CDK19: variants seen among roughly 807,000 people sequenced by gnomAD.
CDK19 encodes the protein cyclin-dependent kinase 19.
CDK19 carries 20 observed loss-of-function variants against 68.3 expected under a neutral mutation model. The ratio of observed to expected loss-of-function variants is 0.29; its 90% CI spans 0.21 to 0.43. The LOEUF (loss-of-function observed/expected upper bound fraction) is 0.43. CDK19 is among the 20% of genes least tolerant of loss of function. The pLI is 1.00. For synonymous variants in CDK19, 221 were observed against 222.8 expected, an observed-to-expected ratio of 0.99 and a Z score of 0.07; for missense variants, 339 against 623.5, an observed-to-expected ratio of 0.54 and a Z score of 4.86.
At chr6:110,625,196 T>C (rs541588151) in intron 8 of CDK19, among the ~76,000 whole-genome samples, 1 of 152,298 alleles carries the variant, frequency 6.6e-6, no homozygotes, top group South Asian at 2.1e-4. Flanking sequence ...GCATTAGAAA[T>C]GAAGGTTCTC....
intron 2 of CDK19, among the ~76,000 whole-genome samples, chr6:110,729,074 T>C (rs1344382791): frequency 6.6e-6 from 1 of 152,200 alleles, no homozygotes; most frequent in African/African-American, 2.4e-5. Context: ...CCAGGCACTA[T>C]GTTAAGTGCT....
chr6:110,761,826 G>A (rs1779252573), intron 1 of CDK19, among the ~76,000 whole-genome samples: 1 of 152,120 alleles, frequency 6.6e-6, no homozygotes, highest in Non-Finnish European at 1.5e-5. Flanking sequence ...CCTCCTACAA[G>A]CCTCTGTAAC....
At chr6:110,624,552 C>A (rs1338149964) in intron 8 of CDK19, among the ~76,000 whole-genome samples, 1 of 151,994 alleles carries the variant, frequency 6.6e-6, no homozygotes, top group African/African-American at 2.4e-5. Flanking sequence ...TGGTGTTTTG[C>A]GTGTGTGTGG....
rs1387264694 is a variant in CDK19 at position 110,649,789 on chromosome 6, A to G, written c.457-11083T>C. Among the ~76,000 whole-genome samples, 3 of 152,212 alleles carry G rather than the reference A, an allele frequency of 2.0e-5. No homozygotes were observed. In the East Asian group the frequency reaches 5.8e-4, roughly 29 times the overall value. On this transcript the variant is annotated intron_variant, in intron 4 of 12. Coordinates refer to ENST00000368911, the MANE Select transcript of CDK19 (RefSeq NM_015076.5). ...GAGGGAAATATAAATTAAGATCACA[A>G]TAACATACCATTTTATACCTACTAG...
chr6:110,731,387 T>C (rs1168909458), intron 2 of CDK19, among the ~76,000 whole-genome samples: 1 of 152,042 alleles, frequency 6.6e-6, no homozygotes, highest in Non-Finnish European at 1.5e-5. Context: ...GGCAAATCCA[T>C]AGAGGCAGAA....
At chr6:110,620,075 T>G (rs182970214) in intron 12 of CDK19, among the ~76,000 whole-genome samples, 6 of 152,238 alleles carry the variant, frequency 3.9e-5, no homozygotes, top group African/African-American at 1.2e-4. Context: ...TAGATCAAAC[T>G]GAAGCCTAAA....
intron 1 of CDK19, among the ~76,000 whole-genome samples, chr6:110,769,746 A>T (rs185304056): frequency 2.6e-4 from 40 of 152,226 alleles, no homozygotes; most frequent in Admixed American, 7.2e-4. Flanking sequence ...TTCTCATAGA[A>T]ACTGAGTTGG....
chr6:110,647,460 G>A (rs989667695), intron 4 of CDK19, among the ~76,000 whole-genome samples: 1 of 152,116 alleles, frequency 6.6e-6, no homozygotes, highest in African/African-American at 2.4e-5. Flanking sequence ...TGGGACGACT[G>A]GAGCAAGAAG....
At chr6:110,812,087 G>C (rs944681293) in intron 1 of CDK19, among the ~76,000 whole-genome samples, 1 of 151,488 alleles carries the variant, frequency 6.6e-6, no homozygotes, top group Non-Finnish European at 1.5e-5. Context: ...TGGGTCAAAA[G>C]CCTCTCTTCC....
chr6:110,623,578 G>C (rs1778849468), intron 8 of CDK19: 1 of 241,810 alleles, frequency 4.1e-6, no homozygotes, highest in African/African-American at 2.3e-5. Flanking sequence ...AATCCCTTTG[G>C]AAAACAGTTA....
intron 1 of CDK19, among the ~76,000 whole-genome samples, chr6:110,754,726 C>T (rs192760188): frequency 2.6e-5 from 4 of 152,224 alleles, no homozygotes; most frequent in African/African-American, 9.6e-5. Context: ...GTGATGCACC[C>T]GCCTTGGCTT....
chr6:110,711,742 T>C (rs1004926677), intron 2 of CDK19, among the ~76,000 whole-genome samples: 1 of 152,108 alleles, frequency 6.6e-6, no homozygotes, highest in Non-Finnish European at 1.5e-5. Flanking sequence ...CCAAGGCGGG[T>C]GGATCACCTG....
chr6:110,792,023 TG>T (rs1016044384), intron 1 of CDK19, among the ~76,000 whole-genome samples: 5 of 151,176 alleles, frequency 3.3e-5, no homozygotes, highest in Non-Finnish European at 5.9e-5. Flanking sequence ...CAGGCTGGAG[TG>T]CAGTGGCATG....
chr6:110,621,182 C>T lies in CDK19; in HGVS notation c.1299G>A (p.Gln433=), dbSNP rs1778688943. The change falls in exon 12 of 13, where the codon CAG becomes CAA. Residue 433 remains glutamine, a synonymous_variant. Transcript: ENST00000368911. The surrounding 1 kb of genome is among the most constrained non-coding windows in gnomAD (Gnocchi z 5.4). ...LQHSQDSSLN[Q]VPPNKKPRLG... is the part of the protein sequence containing the mutation. ...GCCGTGGCTTCTTGTTTGGAGGCAC[C>T]TGGTTCAGGCTGGAGTCCTGGCTGT... The T allele has an allele frequency of 6.2e-7, 1 of 1,614,108 alleles. No homozygotes were observed. The highest frequency in any genetic ancestry group is 8.5e-7 in the Non-Finnish European group (1 of 1,180,030).
rs779750762 is a variant in CDK19 at position 110,713,066 on chromosome 6, G to A, written c.204+33060C>T. Among the ~76,000 whole-genome samples, 39 of 151,888 alleles carry A rather than the reference G, an allele frequency of 2.6e-4. 1 individual carries two copies. The highest frequency in any genetic ancestry group is 1.9e-3 in the South Asian group (9 of 4,808). On this transcript the variant is annotated intron_variant, in intron 2 of 12. Transcript: ENST00000368911. The stretch of plus-strand genomic sequence containing the variant: ...ACAAAAATTAGCTGGGCGTGGTGGC[G>A]CGCGCCTGTAATCCCAGCTACTTAG...
intron 1 of CDK19, among the ~76,000 whole-genome samples, chr6:110,776,711 T>C (rs970542542): frequency 6.6e-6 from 1 of 152,202 alleles, no homozygotes; most frequent in Non-Finnish European, 1.5e-5. Context: ...GCTTGTGACA[T>C]TCTAAGTTAA....
chr6:110,775,586 GAAAACATTCATGTA>G (rs1240258769), intron 1 of CDK19, among the ~76,000 whole-genome samples: 4 of 152,106 alleles, frequency 2.6e-5, no homozygotes, highest in Non-Finnish European at 5.9e-5. Context: ...AGGCTTTTCA[GAAAACATTCATGTA>G]AAAAATTAAG....
chr6:110,801,272 C>A (rs978089627), intron 1 of CDK19, among the ~76,000 whole-genome samples: 9 of 152,004 alleles, frequency 5.9e-5, no homozygotes, highest in African/African-American at 2.2e-4. Context: ...ACTGCTTGAG[C>A]CCAGGAGTTC....
intron 2 of CDK19, chr6:110,706,402 TTG>T (rs1296193204): frequency 3.3e-5 from 2 of 59,780 alleles, no homozygotes; most frequent in African/African-American, 8.8e-5. Context: ...GGTAACACTG[TTG>T]TTTTTTTTTT....
Sources: allele counts gnomAD v4.1 joint callset (sites outside exome capture counted in the v4.1 genomes callset), GRCh38; gene constraint gnomAD v4.1.1; non-coding constraint Gnocchi (gnomAD v3.1); transcripts MANE v1.5; gene names NCBI Gene and HGNC (gene_info 2026-07-23, HGNC 2026-07-21).